EFHC2: variants seen among roughly 807,000 people sequenced by gnomAD.
EFHC2 encodes the protein EF-hand domain-containing family member C2.
Under a neutral mutation model 52.7 loss-of-function variants are expected in EFHC2, and 18 were observed. That is an observed-to-expected ratio of 0.34 (90% CI 0.24 to 0.51). The LOEUF is 0.51. EFHC2 is among the 20% of genes least tolerant of loss of function. The pLI is 0.97. For synonymous variants in EFHC2, 203 were observed against 204.1 expected (o/e 0.99, Z 0.04); for missense variants, 513 against 562.5 (o/e 0.91, Z 0.89).
Position 44,186,872 on chromosome X carries a change from A to G in EFHC2, c.1752-8308T>C, listed in dbSNP as rs549921036. On this transcript the variant is annotated intron_variant, in intron 11 of 14. Transcript: ENST00000420999. ...GAGTTTCTTGCCTGTAATTCTAGCA[A>G]CTTGGGAGGCCAAGGTGGGAGGGTG... Among the ~76,000 whole-genome samples, 5 of 109,728 alleles carry G rather than the reference A, an allele frequency of 4.6e-5. No homozygotes were observed. In the South Asian group the frequency reaches 2.0e-3, roughly 43 times the overall value.
chrX:44,232,537 G>A lies in EFHC2; in HGVS notation c.1564C>T (p.Arg522Cys), dbSNP rs760469358. 53 of 1,181,821 alleles carry A rather than the reference G, an allele frequency of 4.5e-5. No individual in the cohort carries two copies. In the South Asian group the frequency reaches 7.6e-4, roughly 17 times the overall value. Residue 522 changes from arginine to cysteine, a missense_variant, in exon 10 of 15, where the codon CGT becomes TGT. Transcript: ENST00000420999. ...GTATACTCATCAGCATTGAGCAAAC[G>A]AAATAGGTAACCATTCACATTCACC... is the stretch of plus-strand genomic sequence containing the variant. The part of the protein sequence containing the change: ...VTVNVNGYLF[R>C]LLNADEYTLN...
At chrX:44,266,131 C>A (rs947062973) in intron 3 of EFHC2, among the ~76,000 whole-genome samples, 2 of 111,364 alleles carry the variant, frequency 1.8e-5, no homozygotes, top group African/African-American at 3.3e-5. Flanking sequence ...CTCCTTTTGA[C>A]TATTCTGCCT....
chrX:44,286,696 T>C (rs1181264939), intron 2 of EFHC2, among the ~76,000 whole-genome samples: 1 of 111,189 alleles, frequency 9.0e-6, no homozygotes, highest in Non-Finnish European at 1.9e-5. Flanking sequence ...TATATTTGTA[T>C]ATTATAGGAA....
At chrX:44,260,043 T>C (rs2037525829) in intron 4 of EFHC2, among the ~76,000 whole-genome samples, 1 of 111,547 alleles carries the variant, frequency 9.0e-6, no homozygotes, top group African/African-American at 3.3e-5. Flanking sequence ...AGGAAATGAA[T>C]CATAAGTTTT....
At chrX:44,269,477 G>C (rs1250055742) in intron 3 of EFHC2, among the ~76,000 whole-genome samples, 1 of 111,073 alleles carries the variant, frequency 9.0e-6, no homozygotes, top group Non-Finnish European at 1.9e-5. Context: ...TGGGTCATGG[G>C]GGTGGATCCC....
At chrX:44,165,101 A>G (rs1236268618) in intron 13 of EFHC2, among the ~76,000 whole-genome samples, 1 of 111,876 alleles carries the variant, frequency 8.9e-6, no homozygotes. Flanking sequence ...AGTGGTCACT[A>G]GACATTGTTC....
intron 2 of EFHC2, among the ~76,000 whole-genome samples, chrX:44,278,842 G>T (rs2037680817): frequency 8.9e-6 from 1 of 111,970 alleles, no homozygotes; most frequent in Non-Finnish European, 1.9e-5. Context: ...TGTTTCTTTG[G>T]ATCATTTCTG....
intron 11 of EFHC2, among the ~76,000 whole-genome samples, chrX:44,216,568 A>G (rs1467446884): frequency 9.0e-6 from 1 of 111,401 alleles, no homozygotes; most frequent in Non-Finnish European, 1.9e-5. Context: ...TATGAGTCAC[A>G]AGCCCACTCG....
intron 4 of EFHC2, among the ~76,000 whole-genome samples, chrX:44,252,937 C>T (rs1363514410): frequency 9.0e-6 from 1 of 110,746 alleles, no homozygotes; most frequent in African/African-American, 3.3e-5. Flanking sequence ...GTATCCGGCT[C>T]ATCTCATTGG....
At chrX:44,341,483 C>G (rs1049322943) in intron 1 of EFHC2, among the ~76,000 whole-genome samples, 4 of 112,530 alleles carry the variant, frequency 3.6e-5, no homozygotes, top group African/African-American at 1.3e-4. Context: ...GGGTCTGGCT[C>G]TGTTGCCCAG....
chrX:44,244,492 A>G (rs1418376284), intron 7 of EFHC2, among the ~76,000 whole-genome samples: 1 of 112,397 alleles, frequency 8.9e-6, no homozygotes, highest in Non-Finnish European at 1.9e-5. Context: ...CAATGTCTCA[A>G]GTTGGCATTC....
chrX:44,188,108 A>G (rs1393544708), intron 11 of EFHC2, among the ~76,000 whole-genome samples: 1 of 106,310 alleles, frequency 9.4e-6, no homozygotes, highest in Non-Finnish European at 1.9e-5. Context: ...GTATCTGGGG[A>G]CTGCAGGTAT....
intron 1 of EFHC2, among the ~76,000 whole-genome samples, chrX:44,335,554 A>G (rs1028026926): frequency 2.7e-5 from 3 of 111,871 alleles, no homozygotes; most frequent in African/African-American, 9.7e-5. Context: ...CTATAAAGAA[A>G]TCTTAAACTA....
intron 14 of EFHC2, among the ~76,000 whole-genome samples, chrX:44,157,740 C>G (rs937144596): frequency 4.0e-4 from 28 of 69,730 alleles, no homozygotes; most frequent in African/African-American, 1.9e-3. Flanking sequence ...TGCTCCACCC[C>G]CCTCCCCGCC....
intron 2 of EFHC2, among the ~76,000 whole-genome samples, chrX:44,305,947 G>A (rs150036424): frequency 9.0e-6 from 1 of 111,652 alleles, no homozygotes; most frequent in African/African-American, 3.3e-5. Flanking sequence ...CATACAACCC[G>A]AGCATGCCCA....
intron 7 of EFHC2, among the ~76,000 whole-genome samples, chrX:44,244,312 C>T (rs1188518765): frequency 8.9e-6 from 1 of 111,734 alleles, no homozygotes; most frequent in Non-Finnish European, 1.9e-5. Flanking sequence ...ACTTTAAATC[C>T]CATTTATCTG....
intron 4 of EFHC2, among the ~76,000 whole-genome samples, chrX:44,253,824 T>C (rs781687725): frequency 1.1e-4 from 12 of 112,241 alleles, no homozygotes; most frequent in Admixed American, 7.5e-4. Flanking sequence ...TGCCTCCTGC[T>C]AGGAGACACC....
intron 11 of EFHC2, among the ~76,000 whole-genome samples, chrX:44,178,880 C>T (rs1219844966): frequency 8.9e-6 from 1 of 112,163 alleles, no homozygotes; most frequent in Non-Finnish European, 1.9e-5. Context: ...AAACCTATTA[C>T]TAAGTACATG....
intron 14 of EFHC2, among the ~76,000 whole-genome samples, chrX:44,154,632 G>C (rs1217352352): frequency 9.1e-6 from 1 of 109,762 alleles, no homozygotes; most frequent in African/African-American, 3.3e-5. Context: ...TGAGCCCAGG[G>C]TTTCAAGGCT....
Sources: gnomAD v4.1 joint callset for allele counts (sites outside exome capture counted in the v4.1 genomes callset) on GRCh38, gnomAD v4.1.1 for gene constraint, MANE v1.5 for transcripts, NCBI Gene and HGNC (gene_info 2026-07-23, HGNC 2026-07-21) for gene names.